Variants in SEC24C observed in about 807,000 individuals in gnomAD.
SEC24C encodes protein transport protein Sec24C.
In SEC24C, 22 loss-of-function variants were observed where a neutral mutation model predicts 117.0. That is an observed-to-expected ratio of 0.19 (90% confidence interval 0.13 to 0.27). SEC24C has a LOEUF of 0.27. SEC24C is among the 10% of genes least tolerant of loss of function. The pLI, the probability that SEC24C is intolerant of heterozygous loss-of-function variation, is 1.00. For synonymous variants in SEC24C, 506 were observed against 529.4 expected, an observed-to-expected ratio of 0.96 and a Z score of 0.61; for missense variants, 1,155 against 1,375.1, an observed-to-expected ratio of 0.84 and a Z score of 2.53.
chr10:73,748,130 A>ATTAT (rs1172725874), intron 2 of SEC24C, among the ~76,000 whole-genome samples: 3 of 150,366 alleles, frequency 2.0e-5, no homozygotes, highest in South Asian at 2.1e-4. Context: ...TACTTATTTT[A>ATTAT]TTATTTATTT....
intron 20 of SEC24C, 73 bp downstream of exon 20, chr10:73,770,088 A>G: frequency 7.1e-7 from 1 of 1,408,216 alleles, no homozygotes; most frequent in Non-Finnish European, 9.9e-7. Flanking sequence ...AGGATAGGCT[A>G]GTATCAGTCA....
intron 6 of SEC24C, among the ~76,000 whole-genome samples, chr10:73,762,430 T>G (rs1442817269): frequency 2.0e-5 from 3 of 152,152 alleles, no homozygotes; most frequent in African/African-American, 7.2e-5. Context: ...AGGTGGCATG[T>G]CAAGCTTTGG....
chr10:73,769,991 C>G lies in SEC24C; in HGVS notation c.2838C>G (p.Phe946Leu), dbSNP rs745418129. Residue 946 changes from phenylalanine (F) to leucine (L), a missense_variant, in exon 20 of 23, where the codon TTC (phenylalanine) becomes TTG (leucine). Phe to Leu is a conservative substitution (Grantham distance 22). Transcript: ENST00000345254. The surrounding 1 kb of genome is among the most constrained non-coding windows in gnomAD (Gnocchi z 4.5). ...TSMDVTETNV[F>L]FYPRLLPLTK... ...TGGATGTGACTGAGACCAATGTCTTCTTCTACCCTCGGCTCTTACCTTTGG... is the reference window on the plus strand; with the variant it reads ...TGGATGTGACTGAGACCAATGTCTTGTTCTACCCTCGGCTCTTACCTTTGG... The G allele has an allele frequency of 6.2e-7, 1 of 1,614,206 alleles. No homozygotes were observed. Among genetic ancestry groups the G allele is most frequent in the South Asian group, 1.1e-5 (1 of 91,070 alleles).
chr10:73,770,715 C>T lies in SEC24C; in HGVS notation c.3061C>T (p.Leu1021=). The T allele has an allele frequency of 2.5e-6, 4 of 1,614,102 alleles. No individual in the cohort carries two copies. The highest frequency in any genetic ancestry group is 3.4e-6 in the Non-Finnish European group (4 of 1,180,012). Residue 1021 remains leucine (L), a synonymous_variant, in exon 22 of 23, where the codon CTG becomes TTG. Coordinates refer to ENST00000345254, the MANE Select transcript of SEC24C (RefSeq NM_198597.3). ...AATGAATTTTGTGTTCTAGAGTGTT[C>T]TGCCAGTTCTGGATAATCCACTGTC... The part of the protein sequence containing the change: ...FSQITSGLSV[L]PVLDNPLSKK...
chr10:73,751,022 T>C, intron 2 of SEC24C, 86 bp from the exon 3 acceptor site: 1 of 1,474,038 alleles, frequency 6.8e-7, no homozygotes, highest in Non-Finnish European at 9.3e-7. Context: ...AAGGTCTGAG[T>C]TTATTGATCC....
At chr10:73,746,521 G>T in intron 1 of SEC24C, 1 of 229,318 alleles carries the variant, frequency 4.4e-6, no homozygotes, top group Admixed American at 5.7e-5. Flanking sequence ...TACCACTGGG[G>T]AATGGAGGCT....
In SEC24C at chr10:73,771,166, G is replaced by A. The variant is rs2082976090; in HGVS notation, c.*71G>A. 4 of 1,551,200 alleles carry A rather than the reference G, an allele frequency of 2.6e-6. No homozygotes were observed. The highest frequency in any genetic ancestry group is 2.2e-5 in the East Asian group (1 of 44,598). On this transcript the variant is annotated 3_prime_UTR_variant, in exon 23 of 23. Transcript: ENST00000345254. ...CACCCCAGGATGTCAGAGAAATTGG[G>A]ACAGTAACATATCTTATGTAAGCTG...
chr10:73,757,122 C>A (rs1054648441), intron 3 of SEC24C, among the ~76,000 whole-genome samples: 1 of 148,616 alleles, frequency 6.7e-6, no homozygotes, highest in Non-Finnish European at 1.5e-5. Flanking sequence ...CCATGTTGGT[C>A]AGGCTGGTCT....
chr10:73,766,103 C>A lies in SEC24C; in HGVS notation c.1500C>A (p.Ser500Arg), dbSNP rs200016285. Residue 500 changes from serine (S) to arginine (R), a missense_variant, in exon 11 of 23, where the codon AGC becomes AGA. By Grantham distance (110) the Ser-to-Arg change is moderately radical (BLOSUM62 -1). This residue lies in a region of SEC24C where 759 missense variants were observed against 992.3 expected (regional missense o/e 0.76). Coordinates refer to ENST00000345254, the MANE Select transcript of SEC24C (RefSeq NM_198597.3). ...VDYCKNNKFP[S>R]PPAFIFMIDV... The stretch of plus-strand genomic sequence containing the variant: ...CTCTGCAGAACAATAAGTTCCCCAG[C>A]CCTCCTGCCTTTATCTTCATGATTG... 139 of 1,613,170 alleles carry A rather than the reference C, an allele frequency of 8.6e-5. No homozygotes were observed. In the East Asian group the frequency reaches 2.8e-3, roughly 33 times the overall value.
chr10:73,768,785 T>G, intron 15 of SEC24C, 25 bp from the exon 16 acceptor site: 3 of 1,611,256 alleles, frequency 1.9e-6, no homozygotes, highest in Non-Finnish European at 2.5e-6. Context: ...GTCAGTGACA[T>G]GACTCTGGAC....
Position 73,771,963 on chromosome 10 carries a change from T to G in SEC24C, c.*868T>G. ...CTCCTGCTGGGACACCGCTTGGGCT[T>G]TGGTATTGACTGAGTGGCTGACAGT... On this transcript the variant is annotated 3_prime_UTR_variant, in exon 23 of 23. Coordinates refer to ENST00000345254, the MANE Select transcript of SEC24C (RefSeq NM_198597.3). 2.0e-5 allele frequency: 4 copies of G among 199,674 alleles called. No homozygotes were observed. The highest frequency in any genetic ancestry group is 2.2e-4 in the East Asian group (2 of 9,068). 12.4% of individuals were successfully genotyped at this position (199,674 alleles called of 1,614,324 possible). A position where few individuals can be genotyped will look rare whatever the true frequency, so the allele number is the denominator to read the frequency against.
intron 3 of SEC24C, among the ~76,000 whole-genome samples, chr10:73,755,942 C>G (rs2082704055): frequency 6.6e-6 from 1 of 151,730 alleles, no homozygotes; most frequent in African/African-American, 2.4e-5. Context: ...ACCTCTACCT[C>G]CCAGGTTCAA....
At chr10:73,767,758 A>C in intron 14 of SEC24C, 79 bp from the exon 15 acceptor site, 1 of 1,112,528 alleles carries the variant, frequency 9.0e-7, no homozygotes, top group East Asian at 2.6e-5. Context: ...TGAATATCCC[A>C]TGCTAGATAT....
At chr10:73,755,890 C>T (rs952435254) in intron 3 of SEC24C, among the ~76,000 whole-genome samples, 3 of 149,796 alleles carry the variant, frequency 2.0e-5, no homozygotes, top group African/African-American at 4.9e-5. Flanking sequence ...CTTGCTCTGT[C>T]GCCCAGGCTG....
chr10:73,757,360 TA>T (rs147636644), intron 3 of SEC24C, among the ~76,000 whole-genome samples: 244 of 137,548 alleles, frequency 1.8e-3, no homozygotes, highest in African/African-American at 2.8e-3. Context: ...CCTGTCGCTA[TA>T]AAAAAAAAAA....
chr10:73,753,086 G>C (rs2082664349), intron 3 of SEC24C, among the ~76,000 whole-genome samples: 1 of 151,718 alleles, frequency 6.6e-6, no homozygotes, highest in Non-Finnish European at 1.5e-5. Flanking sequence ...GTCCTGCCCT[G>C]TTGCCCATGC....
Position 73,765,607 on chromosome 10 carries a change from G to T in SEC24C, c.1366+18G>T. The stretch of plus-strand genomic sequence containing the variant: ...CAATGATGGTATGTTCATGGAAGCT[G>T]GGATTTGGGGGAAGGTCTTGATTGT... On this transcript the variant is annotated intron_variant, in intron 9 of 22. Transcript: ENST00000345254. 1.2e-6 allele frequency: 2 copies of T among 1,609,782 alleles called. No individual in the cohort carries two copies. The highest frequency in any genetic ancestry group is 3.3e-5 in the Admixed American group (2 of 59,940).
rs1565032684 is a variant in SEC24C at position 73,746,791 on chromosome 10, CCT to C, written c.-28-6_-28-5del. 12 of 1,539,986 alleles carry C rather than the reference CCT, an allele frequency of 7.8e-6. No individual in the cohort carries two copies. Among genetic ancestry groups the C allele is most frequent in the African/African-American group, 4.1e-5 (3 of 72,794 alleles). On this transcript the variant is annotated splice_polypyrimidine_tract_variant and intron_variant, in intron 1 of 22. Transcript: ENST00000345254. ...AGAAAGTTCATTTTGACTAATTTCT[CCT>C]CTCTCTCACAGGTGAGATCAAATTG... is the stretch of plus-strand genomic sequence containing the variant.
In SEC24C at chr10:73,763,815, G is replaced by T. The variant is rs1413003918; in HGVS notation, c.1100-41G>T. Reference sequence around the variant, plus strand: ...CCAATGGAGAGCTGGTGTCTGGAAGGATTCTGTGATCTGACTCGGGTCTTC... The same window carrying T: ...CCAATGGAGAGCTGGTGTCTGGAAGTATTCTGTGATCTGACTCGGGTCTTC... On this transcript the variant is annotated intron_variant, in intron 7 of 22. Coordinates refer to ENST00000345254, the MANE Select transcript of SEC24C (RefSeq NM_198597.3). The T allele has an allele frequency of 3.1e-6, 5 of 1,601,958 alleles. No individual in the cohort carries two copies. In the East Asian group the frequency reaches 8.9e-5, roughly 29 times the overall value.
Sources: gnomAD v4.1 joint callset for allele counts (sites outside exome capture counted in the v4.1 genomes callset) on GRCh38, gnomAD v4.1.1 for gene constraint, gnomAD v4.1.1 regional missense constraint, Gnocchi (gnomAD v3.1) non-coding constraint, MANE v1.5 for transcripts, NCBI Gene and HGNC (gene_info 2026-07-23, HGNC 2026-07-21) for gene names.